The following GREB1L variants were observed in gnomAD, a reference collection of about 807,000 sequenced individuals.
The protein encoded by GREB1L is GREB1 like retinoic acid receptor coactivator.
Under a neutral mutation model 200.8 loss-of-function variants are expected in GREB1L, and 17 were observed. That is an observed-to-expected ratio of 0.08 (90% CI 0.06 to 0.13). GREB1L has a LOEUF of 0.13. Among genes scored for constraint, GREB1L ranks in the 10% least tolerant of loss-of-function variants. GREB1L has a pLI of 1.00. For synonymous variants in GREB1L, 789 were observed against 893.0 expected (o/e 0.88, Z 2.08); for missense variants, 1,657 against 2,367.7 (o/e 0.70, Z 6.23).
At chr18:21,247,448 GT>G (rs2037625957) in intron 1 of GREB1L, among the ~76,000 whole-genome samples, 1 of 152,068 alleles carries the variant, frequency 6.6e-6, no homozygotes, top group Non-Finnish European at 1.5e-5. Flanking sequence ...TGTCTTCTCT[GT>G]TCCTGGTCAT....
At chr18:21,332,747 T>G (rs1427399514) in intron 1 of GREB1L, among the ~76,000 whole-genome samples, 1 of 152,128 alleles carries the variant, frequency 6.6e-6, no homozygotes, top group Non-Finnish European at 1.5e-5. Context: ...AGTGTTGAGA[T>G]TACAGGCGTG....
chr18:21,478,926 G>A (rs190040502), intron 17 of GREB1L, among the ~76,000 whole-genome samples: 242 of 152,270 alleles, frequency 1.6e-3, no homozygotes, highest in Non-Finnish European at 2.4e-3. Flanking sequence ...CTGTCACCCA[G>A]GCTGGAGTGC....
At chr18:21,310,465 TTCA>T (rs1424105757) in intron 1 of GREB1L, among the ~76,000 whole-genome samples, 1 of 152,226 alleles carries the variant, frequency 6.6e-6, no homozygotes, top group Non-Finnish European at 1.5e-5. Flanking sequence ...GCAAGTCCTT[TTCA>T]TGTCTGACTT....
At chr18:21,337,919 G>A (rs1672504871) in intron 1 of GREB1L, among the ~76,000 whole-genome samples, 1 of 151,882 alleles carries the variant, frequency 6.6e-6, no homozygotes, top group Non-Finnish European at 1.5e-5. Context: ...CCTGGGAGGC[G>A]GAGCTTGCAG....
intron 19 of GREB1L, among the ~76,000 whole-genome samples, chr18:21,491,241 A>T (rs1351508683): frequency 1.3e-5 from 2 of 152,180 alleles, no homozygotes; most frequent in Admixed American, 6.5e-5. Context: ...TTAAATGCTG[A>T]GCTAAATTGG....
At chr18:21,485,358 G>C in intron 17 of GREB1L, 1 of 316,378 alleles carries the variant, frequency 3.2e-6, no homozygotes, top group Admixed American at 4.8e-5. Flanking sequence ...AAAAAAAAAA[G>C]AAAACAAACC....
intron 5 of GREB1L, among the ~76,000 whole-genome samples, chr18:21,399,760 C>G (rs2144493520): frequency 6.6e-6 from 1 of 152,200 alleles, no homozygotes; most frequent in South Asian, 2.1e-4. Flanking sequence ...ACCACTGTTT[C>G]CCCAGTGTTT....
At chr18:21,488,939 G>A (rs777198783) in intron 18 of GREB1L, among the ~76,000 whole-genome samples, 1 of 152,178 alleles carries the variant, frequency 6.6e-6, no homozygotes, top group Non-Finnish European at 1.5e-5. Flanking sequence ...TTATAGGCAT[G>A]AGCCACCGCG....
intron 15 of GREB1L, among the ~76,000 whole-genome samples, chr18:21,464,658 G>A (rs1018471406): frequency 7.9e-5 from 12 of 151,918 alleles, no homozygotes; most frequent in Non-Finnish European, 1.6e-4. Flanking sequence ...GAGAGATCTG[G>A]CAGTAGACAC....
At chr18:21,515,166 ACT>A (rs2037373257) in intron 28 of GREB1L, among the ~76,000 whole-genome samples, 1 of 152,092 alleles carries the variant, frequency 6.6e-6, no homozygotes. Context: ...TTCACTGTTC[ACT>A]CTGACACAGG....
intron 17 of GREB1L, among the ~76,000 whole-genome samples, chr18:21,480,516 C>T (rs1250336493): frequency 1.3e-5 from 2 of 151,942 alleles, no homozygotes; most frequent in African/African-American, 4.8e-5. Context: ...TTGAGATCAA[C>T]ATGGGATAAA....
chr18:21,355,020 C>A (rs1440082697), intron 1 of GREB1L, among the ~76,000 whole-genome samples: 2 of 152,052 alleles, frequency 1.3e-5, no homozygotes, highest in Non-Finnish European at 2.9e-5. Context: ...CAAGTTGATA[C>A]CAGCTCTTGG....
chr18:21,316,938 T>A (rs1271052600), intron 1 of GREB1L: 1 of 151,960 alleles, frequency 6.6e-6, no homozygotes, highest in Non-Finnish European at 1.5e-5. Context: ...ATTTTTGTAT[T>A]TTTTAGTAGA....
At chr18:21,260,744 G>C (rs1027096500) in intron 1 of GREB1L, among the ~76,000 whole-genome samples, 18 of 151,914 alleles carry the variant, frequency 1.2e-4, no homozygotes, top group Non-Finnish European at 2.7e-4. Context: ...AAGAATTAGA[G>C]ATTTAAATCT....
intron 5 of GREB1L, among the ~76,000 whole-genome samples, 199 bp downstream of exon 5, chr18:21,395,760 T>C (rs1345322435): frequency 4.6e-5 from 7 of 151,976 alleles, no homozygotes; most frequent in Non-Finnish European, 1.5e-5. Flanking sequence ...GATGAAGTCT[T>C]GCTCCATCGC....
At chr18:21,407,051 T>C (rs1185163642) in intron 7 of GREB1L, among the ~76,000 whole-genome samples, 1 of 152,066 alleles carries the variant, frequency 6.6e-6, no homozygotes, top group Non-Finnish European at 1.5e-5. Flanking sequence ...ATTTTTGTAT[T>C]TTTAGTAGAG....
intron 7 of GREB1L, among the ~76,000 whole-genome samples, chr18:21,415,602 AAAGAGAAAGG>A (rs952040115): frequency 2.0e-5 from 3 of 152,082 alleles, no homozygotes; most frequent in African/African-American, 7.2e-5. Context: ...AGAAAGAGAG[AAAGAGAAAGG>A]AAGAACCACC....
At chr18:21,334,981 GAAC>G (rs1160461762) in intron 1 of GREB1L, among the ~76,000 whole-genome samples, 1 of 152,118 alleles carries the variant, frequency 6.6e-6, no homozygotes, top group African/African-American at 2.4e-5. Context: ...CATTAAAAGA[GAAC>G]AATCAATTTA....
chr18:21,477,141 T>C (rs2035733760), intron 16 of GREB1L, 23 bp from the exon 17 acceptor site: 1 of 1,517,772 alleles, frequency 6.6e-7, no homozygotes, highest in African/African-American at 1.4e-5. Flanking sequence ...GAGGTATTAA[T>C]ATGACTTTCA....
Sources: allele counts gnomAD v4.1 joint callset (sites outside exome capture counted in the v4.1 genomes callset), GRCh38; gene constraint gnomAD v4.1.1; transcripts MANE v1.5; gene names NCBI Gene and HGNC (gene_info 2026-07-23, HGNC 2026-07-21).